The following ADARB1 variants were observed in gnomAD, a reference collection of about 807,000 sequenced individuals.
ADARB1 encodes adenosine deaminase RNA specific B1, also known as double-stranded RNA-specific editase 1.
A neutral mutation model predicts 52.4 loss-of-function variants in ADARB1; 10 were observed. The ratio of observed to expected loss-of-function variants is 0.19; its 90% CI spans 0.12 to 0.32. The LOEUF is 0.32. Ranked by LOEUF, ADARB1 falls within the 10% of genes least tolerant of loss-of-function variation. ADARB1 has a pLI of 1.00. For missense variants in ADARB1, 643 were observed against 922.3 expected, an observed-to-expected ratio of 0.70 and a Z score of 3.92; for synonymous variants, 349 against 371.1, an observed-to-expected ratio of 0.94 and a Z score of 0.68.
chr21:45,075,672 G>A (rs915443303), intron 1 of ADARB1, among the ~76,000 whole-genome samples: 1 of 152,178 alleles, frequency 6.6e-6, no homozygotes, highest in Non-Finnish European at 1.5e-5. Context: ...GGCTGTGGAC[G>A]CTGAAACGTG....
intron 1 of ADARB1, among the ~76,000 whole-genome samples, chr21:45,077,379 A>G (rs2085979961): frequency 1.3e-5 from 2 of 152,232 alleles, no homozygotes; most frequent in African/African-American, 2.4e-5. Context: ...AGAAAACTCA[A>G]TGGTGGCCGG....
chr21:45,095,100 G>A (rs1016111905), intron 1 of ADARB1, among the ~76,000 whole-genome samples: 2 of 152,328 alleles, frequency 1.3e-5, no homozygotes, highest in South Asian at 2.1e-4. Flanking sequence ...CCTGTATTTC[G>A]TCCTGGTCTC....
At chr21:45,083,535 A>G (rs998690530) in intron 1 of ADARB1, among the ~76,000 whole-genome samples, 11 of 152,340 alleles carry the variant, frequency 7.2e-5, no homozygotes, top group Middle Eastern at 3.4e-3. Flanking sequence ...CCCCTTTTGG[A>G]CAAGATACAG....
intron 2 of ADARB1, among the ~76,000 whole-genome samples, chr21:45,170,696 A>G (rs1048780429): frequency 2.0e-5 from 3 of 152,072 alleles, no homozygotes; most frequent in Non-Finnish European, 4.4e-5. Flanking sequence ...AGTGATTTAT[A>G]AGTTTTATTT....
intron 2 of ADARB1, among the ~76,000 whole-genome samples, chr21:45,156,047 C>T (rs2090575231): frequency 6.6e-6 from 1 of 150,730 alleles, no homozygotes; most frequent in Non-Finnish European, 1.5e-5. Context: ...ACCCACCCAA[C>T]CACCCACCAT....
In ADARB1 at chr21:45,174,128, C is replaced by T. The variant is rs149569715; in HGVS notation, c.29-1602C>T. On this transcript the variant is annotated intron_variant, in intron 3 of 10. Transcript: ENST00000348831. The stretch of plus-strand genomic sequence containing the variant: ...GTTTGCTTAACGTAATGAGAATCTA[C>T]CATTTTACACATGTAGTAGAAATAG... Among the ~76,000 whole-genome samples the T allele has an allele frequency of 4.2e-4, 64 of 152,314 alleles. No homozygotes were observed. The East Asian group carries it at 9.8e-3, about 23-fold the overall frequency.
In ADARB1 at chr21:45,220,817, C is replaced by G; in HGVS notation, c.1748-19C>G. 6.2e-7 allele frequency: 1 copy of G among 1,610,486 alleles called. No individual in the cohort carries two copies. The highest frequency in any genetic ancestry group is 8.5e-7 in the Non-Finnish European group (1 of 1,177,794). On this transcript the variant is annotated intron_variant, in intron 9 of 10. Coordinates refer to ENST00000348831, the MANE Select transcript of ADARB1 (RefSeq NM_001112.4). The surrounding 1 kb of genome is among the most constrained non-coding windows in gnomAD (Gnocchi z 6.3). Reference sequence around the variant, plus strand: ...GTGAAAGCGGGCTTCACACCACCTTCCTGTGTCTTCCGTTTCAGGCATCAG... The same window carrying G: ...GTGAAAGCGGGCTTCACACCACCTTGCTGTGTCTTCCGTTTCAGGCATCAG...
intron 2 of ADARB1, among the ~76,000 whole-genome samples, chr21:45,143,461 C>G (rs1037245788): frequency 1.3e-5 from 2 of 152,216 alleles, no homozygotes; most frequent in Non-Finnish European, 2.9e-5. Flanking sequence ...TGGGCGGTGC[C>G]TTCAGGACAT....
At chr21:45,084,813 C>CT (rs1188266653) in intron 1 of ADARB1, among the ~76,000 whole-genome samples, 1 of 152,116 alleles carries the variant, frequency 6.6e-6, no homozygotes, top group African/African-American at 2.4e-5. Context: ...GTTTCTTTTT[C>CT]TTTGATTAGT....
chr21:45,206,192 G>A (rs1269235052), intron 9 of ADARB1, among the ~76,000 whole-genome samples: 1 of 152,204 alleles, frequency 6.6e-6, no homozygotes, highest in Admixed American at 6.5e-5. Context: ...TGAGCAAAGA[G>A]TGCTTTAATT....
chr21:45,108,651 G>A (rs1018405984), intron 1 of ADARB1, among the ~76,000 whole-genome samples: 1 of 152,188 alleles, frequency 6.6e-6, no homozygotes, highest in East Asian at 1.9e-4. Context: ...TAAACCTAGG[G>A]GTTTAAATTT....
chr21:45,105,087 GTT>G (rs2087189032), intron 1 of ADARB1, among the ~76,000 whole-genome samples: 1 of 147,970 alleles, frequency 6.8e-6, no homozygotes, highest in African/African-American at 2.4e-5. Flanking sequence ...TCGTTGTTTT[GTT>G]TTGTTTTGTT....
intron 1 of ADARB1, 95 bp downstream of exon 1, chr21:45,074,888 G>A (rs2085851303): frequency 6.7e-6 from 1 of 150,010 alleles, no homozygotes; most frequent in Non-Finnish European, 1.5e-5. Flanking sequence ...GGGACTGGTG[G>A]TGGGGCCGGA....
chr21:45,149,222 T>C (rs2090159581), intron 2 of ADARB1, among the ~76,000 whole-genome samples: 1 of 152,248 alleles, frequency 6.6e-6, no homozygotes, highest in Non-Finnish European at 1.5e-5. Flanking sequence ...ACACTTGCCT[T>C]ACTCTATCTC....
chr21:45,143,508 G>A (rs1255255559), intron 2 of ADARB1, among the ~76,000 whole-genome samples: 2 of 152,194 alleles, frequency 1.3e-5, no homozygotes, highest in African/African-American at 4.8e-5. Flanking sequence ...TGGCCTGAGT[G>A]TTCCTTTTAA....
At chr21:45,170,544 G>A (rs183419897) in intron 2 of ADARB1, among the ~76,000 whole-genome samples, 1 of 151,836 alleles carries the variant, frequency 6.6e-6, no homozygotes, top group Non-Finnish European at 1.5e-5. Context: ...GAGATTGAAA[G>A]TTATTAACAT....
rs760411862 is a variant in ADARB1, at chr21:45,176,561, G to T, written c.860G>T (p.Arg287Leu). The change falls in exon 4 of 11, where the codon CGG becomes CTG. Residue 287 changes from arginine (R) to leucine (L), a missense_variant. By Grantham distance (102) the Arg-to-Leu change is moderately radical (BLOSUM62 -2). This residue lies in a region of ADARB1 where 380 missense variants were observed against 446.5 expected (regional missense o/e 0.85). Transcript: ENST00000348831. The surrounding 1 kb of genome is among the most constrained non-coding windows in gnomAD (Gnocchi z 5.8). ...SGRNKKLAKA[R>L]AAQSALAAIF... ...AGAAACAAGAAGCTTGCCAAGGCCC[G>T]GGCTGCGCAGTCTGCCCTGGCCGCC... is the stretch of plus-strand genomic sequence containing the variant. The T allele has an allele frequency of 1.2e-6, 2 of 1,614,186 alleles. No individual in the cohort carries two copies. Among genetic ancestry groups the T allele is most frequent in the Non-Finnish European group, 1.7e-6 (2 of 1,180,038 alleles).
intron 2 of ADARB1, among the ~76,000 whole-genome samples, chr21:45,170,135 G>A (rs553445187): frequency 6.6e-6 from 1 of 152,222 alleles, no homozygotes; most frequent in East Asian, 1.9e-4. Flanking sequence ...ACCAACCAGG[G>A]CCCATTTGTT....
chr21:45,158,996 AT>A (rs1312585099), intron 2 of ADARB1, among the ~76,000 whole-genome samples: 1 of 151,732 alleles, frequency 6.6e-6, no homozygotes. Context: ...AATAAAATTT[AT>A]TTTTTTTCTT....
Sources: allele counts gnomAD v4.1 joint callset (sites outside exome capture counted in the v4.1 genomes callset), GRCh38; gene constraint gnomAD v4.1.1; regional missense constraint gnomAD v4.1.1; non-coding constraint Gnocchi (gnomAD v3.1); transcripts MANE v1.5; gene names NCBI Gene and HGNC (gene_info 2026-07-23, HGNC 2026-07-21).